SPECC1L: variants seen among roughly 807,000 people sequenced by gnomAD.
SPECC1L encodes the protein sperm antigen with calponin homology and coiled-coil domains 1 like.
Under a neutral mutation model 116.8 loss-of-function variants are expected in SPECC1L, and 40 were observed. The observed-to-expected ratio is 0.34, with a 90% CI of 0.27 to 0.45. The LOEUF is 0.45. SPECC1L is among the 20% of genes least tolerant of loss of function. The pLI is 1.00. For synonymous variants in SPECC1L, 504 were observed against 500.6 expected (o/e 1.01, Z -0.09); for missense variants, 1,110 against 1,373.6 (o/e 0.81, Z 3.03).
intron 2 of SPECC1L, among the ~76,000 whole-genome samples, chr22:24,288,615 CTTTTTTTTTTTTTTT>C (rs756714389): frequency 9.1e-4 from 56 of 61,680 alleles, no homozygotes; most frequent in East Asian, 5.7e-3. Flanking sequence ...AAATTTTAAG[CTTTTTTTTTTTTTTT>C]TTTTTTTTTT....
intron 16 of SPECC1L, 24 bp from the exon 17 acceptor site, chr22:24,414,510 C>T (rs201899440): frequency 3.1e-6 from 5 of 1,610,028 alleles, no homozygotes; most frequent in Non-Finnish European, 4.2e-6. Context: ...GCAGTTCTAA[C>T]CAAGCGTCTT....
intron 3 of SPECC1L, among the ~76,000 whole-genome samples, chr22:24,308,581 G>A (rs1469780364): frequency 6.6e-6 from 1 of 152,200 alleles, no homozygotes; most frequent in Admixed American, 6.5e-5. Flanking sequence ...CCACTGTCAG[G>A]TTACTGTGTT....
At chr22:24,402,826 AT>A (rs2042506604) in intron 14 of SPECC1L, among the ~76,000 whole-genome samples, 1 of 152,240 alleles carries the variant, frequency 6.6e-6, no homozygotes, top group Admixed American at 6.5e-5. Flanking sequence ...TTGGGAGTAT[AT>A]TTTATGGCCC....
At position 24,417,225 on chromosome 22, in the gene SPECC1L, T is replaced by C. The variant is rs1358572716; in HGVS notation, c.*2602T>C. 6.6e-6 allele frequency: 1 copy of C among 152,592 alleles called. No individual in the cohort carries two copies. The highest frequency in any genetic ancestry group is 2.4e-5 in the African/African-American group (1 of 41,450). The allele number at this position is 152,592 out of a possible 1,614,324, so 9.5% of individuals were successfully genotyped here. A position where few individuals can be genotyped will look rare whatever the true frequency, so the allele number is the denominator to read the frequency against. ...TAAATGTTGTTCTAGTAAATATTCTTGAATGTATTAAAATGGCTGAAACAA... is the reference window on the plus strand; with the variant it reads ...TAAATGTTGTTCTAGTAAATATTCTCGAATGTATTAAAATGGCTGAAACAA... On this transcript the variant is annotated 3_prime_UTR_variant, in exon 17 of 17. Transcript: ENST00000314328.
chr22:24,301,380 G>A (rs1028200495), intron 2 of SPECC1L, among the ~76,000 whole-genome samples: 3 of 152,160 alleles, frequency 2.0e-5, no homozygotes, highest in Admixed American at 6.5e-5. Context: ...TTTATTTAAC[G>A]TGGGGTTACA....
chr22:24,335,639 C>A (rs1352394376), intron 9 of SPECC1L, among the ~76,000 whole-genome samples: 1 of 152,182 alleles, frequency 6.6e-6, no homozygotes, highest in African/African-American at 2.4e-5. Flanking sequence ...AATCTGTATT[C>A]TGTGATTATA....
At chr22:24,334,828 A>G (rs1294598463) in intron 9 of SPECC1L, among the ~76,000 whole-genome samples, 1 of 152,228 alleles carries the variant, frequency 6.6e-6, no homozygotes, top group African/African-American at 2.4e-5. Context: ...GGTGGATCAC[A>G]CACATTCCTG....
At chr22:24,387,989 A>T (rs2042192183) in intron 14 of SPECC1L, among the ~76,000 whole-genome samples, 1 of 152,128 alleles carries the variant, frequency 6.6e-6, no homozygotes, top group Non-Finnish European at 1.5e-5. Flanking sequence ...CATCACTCTG[A>T]CCATAGGTTA....
At chr22:24,332,985 T>C (rs2040969236) in intron 8 of SPECC1L, among the ~76,000 whole-genome samples, 1 of 152,106 alleles carries the variant, frequency 6.6e-6, no homozygotes, top group African/African-American at 2.4e-5. Flanking sequence ...TCCCAGCACT[T>C]TGGGAGGCCT....
intron 4 of SPECC1L, among the ~76,000 whole-genome samples, chr22:24,316,297 T>G (rs958777826): frequency 1.3e-4 from 20 of 149,624 alleles, no homozygotes; most frequent in African/African-American, 3.1e-4. Flanking sequence ...TTTATTTATT[T>G]ATTGATCATT....
At chr22:24,307,450 T>A (rs2049522686) in intron 3 of SPECC1L, among the ~76,000 whole-genome samples, 1 of 152,148 alleles carries the variant, frequency 6.6e-6, no homozygotes, top group Non-Finnish European at 1.5e-5. Context: ...CCACTCTGCC[T>A]TGCTTTCGCT....
At chr22:24,403,887 G>A (rs2042529883) in intron 14 of SPECC1L, among the ~76,000 whole-genome samples, 1 of 152,232 alleles carries the variant, frequency 6.6e-6, no homozygotes, top group Non-Finnish European at 1.5e-5. Context: ...AGCTGAGGCA[G>A]GAGGAACCCT....
At chr22:24,325,992 T>C (rs991101348) in intron 6 of SPECC1L, among the ~76,000 whole-genome samples, 1 of 152,168 alleles carries the variant, frequency 6.6e-6, no homozygotes, top group African/African-American at 2.4e-5. Context: ...TCATTCTTGG[T>C]GCCCAGGCTA....
rs1197884413 is a variant in SPECC1L, at chr22:24,343,705, C to T, written c.2653-3381C>T. On this transcript the variant is annotated intron_variant, in intron 10 of 16. Coordinates refer to ENST00000314328, the MANE Select transcript of SPECC1L (RefSeq NM_015330.6). ...CAAATTCCTGGACTCAGGTGATTCA[C>T]CTTCCTCGGCCTCCCAAAGTGAGCC... is the stretch of plus-strand genomic sequence containing the variant. 4 of 172,400 alleles carry T rather than the reference C, an allele frequency of 2.3e-5. No homozygotes were observed. The East Asian group carries it at 7.5e-4, about 32-fold the overall frequency. The allele number at this position is 172,400 out of a possible 1,614,324, so 10.7% of individuals were successfully genotyped here.
intron 14 of SPECC1L, among the ~76,000 whole-genome samples, chr22:24,392,945 A>T (rs1569446478): frequency 6.6e-6 from 1 of 152,170 alleles, no homozygotes; most frequent in Non-Finnish European, 1.5e-5. Flanking sequence ...AGCCTCTCCA[A>T]TATTTGGTCT....
At chr22:24,360,830 A>G (rs1016802035) in intron 11 of SPECC1L, among the ~76,000 whole-genome samples, 5 of 152,174 alleles carry the variant, frequency 3.3e-5, no homozygotes, top group South Asian at 4.1e-4. Flanking sequence ...TTTGTTTCCT[A>G]CTATTTCCAT....
At chr22:24,382,433 G>A (rs936888577) in intron 14 of SPECC1L, among the ~76,000 whole-genome samples, 12 of 152,092 alleles carry the variant, frequency 7.9e-5, no homozygotes, top group African/African-American at 1.9e-4. Context: ...GGCCGGGCGC[G>A]GTGGCTCCCG....
intron 14 of SPECC1L, among the ~76,000 whole-genome samples, chr22:24,389,421 T>G (rs1362016954): frequency 6.6e-6 from 1 of 152,004 alleles, no homozygotes; most frequent in Admixed American, 6.6e-5. Context: ...CCAATAATAC[T>G]TCTTAGTTTG....
At chr22:24,374,178 T>C (rs1373423862) in intron 14 of SPECC1L, among the ~76,000 whole-genome samples, 11 of 152,218 alleles carry the variant, frequency 7.2e-5, no homozygotes, top group Non-Finnish European at 1.6e-4. Flanking sequence ...TTGGTGGGAC[T>C]GTAAACTAGT....
Sources: allele counts gnomAD v4.1 joint callset (sites outside exome capture counted in the v4.1 genomes callset), GRCh38; gene constraint gnomAD v4.1.1; transcripts MANE v1.5; gene names NCBI Gene and HGNC (gene_info 2026-07-23, HGNC 2026-07-21).